Variants in PCSK2 observed in about 807,000 individuals in gnomAD.
The protein encoded by PCSK2 is neuroendocrine convertase 2.
PCSK2 carries 14 observed loss-of-function variants against 69.7 expected under a neutral mutation model. The observed-to-expected ratio is 0.20, with a 90% CI of 0.13 to 0.31. The LOEUF is 0.31. PCSK2 is among the 10% of genes least tolerant of loss of function. The probability of loss-of-function intolerance (pLI) is 1.00; values close to 1 mark genes in which losing one functional copy is unlikely to be tolerated. For missense variants in PCSK2, 544 were observed against 842.5 expected, an observed-to-expected ratio of 0.65 and a Z score of 4.39; for synonymous variants, 307 against 320.7, an observed-to-expected ratio of 0.96 and a Z score of 0.46.
intron 2 of PCSK2, among the ~76,000 whole-genome samples, chr20:17,312,091 A>T (rs1215021626): frequency 6.6e-6 from 1 of 152,226 alleles, no homozygotes; most frequent in Non-Finnish European, 1.5e-5. Context: ...ACGTCATTTC[A>T]TCAAAGGTTC....
At chr20:17,241,396 G>T (rs1986567285) in intron 1 of PCSK2, among the ~76,000 whole-genome samples, 1 of 152,184 alleles carries the variant, frequency 6.6e-6, no homozygotes, top group Non-Finnish European at 1.5e-5. Context: ...TTTGGATTTT[G>T]CAGGTAGGTG....
intron 5 of PCSK2, among the ~76,000 whole-genome samples, chr20:17,408,293 G>GA (rs1420534108): frequency 6.6e-6 from 1 of 151,960 alleles, no homozygotes; most frequent in Non-Finnish European, 1.5e-5. Context: ...AGCAAGCAGA[G>GA]AAGGGAATGG....
In PCSK2 at chr20:17,342,855, T is replaced by C. The variant is rs142743981; in HGVS notation, c.283-15472T>C. On this transcript the variant is annotated intron_variant, in intron 2 of 11. Transcript: ENST00000262545. ...TTTTTTGGTAGAGATAGGGTCTTGCTATATTGCCCAGGCTTGTCTTGAACT... is the reference window on the plus strand; with the variant it reads ...TTTTTTGGTAGAGATAGGGTCTTGCCATATTGCCCAGGCTTGTCTTGAACT... Among the ~76,000 whole-genome samples the C allele has an allele frequency of 6.0e-3, 911 of 152,002 alleles. 6 individuals are homozygous for C. The highest frequency in any genetic ancestry group is 8.1e-3 in the Non-Finnish European group (549 of 67,946).
At position 17,363,532 on chromosome 20, in the gene PCSK2, G is replaced by T. The variant is rs185320100; in HGVS notation, c.505+2892G>T. Among the ~76,000 whole-genome samples the T allele has an allele frequency of 4.5e-3, 691 of 152,272 alleles. 6 individuals are homozygous for T. Among genetic ancestry groups the T allele is most frequent in the African/African-American group, 0.016 (655 of 41,540 alleles). ...TGTTTAGAGTTGGGAACTTGACCTG[G>T]AAAATGGAATGTGATCATGACAAGA... On this transcript the variant is annotated intron_variant, in intron 4 of 11. Coordinates refer to ENST00000262545, the MANE Select transcript of PCSK2 (RefSeq NM_002594.5).
At chr20:17,418,593 G>T (rs1876020795) in intron 6 of PCSK2, among the ~76,000 whole-genome samples, 1 of 152,140 alleles carries the variant, frequency 6.6e-6, no homozygotes, top group Non-Finnish European at 1.5e-5. Context: ...TGGGCCAGGG[G>T]CATAGATGAG....
At chr20:17,353,535 CT>C (rs1568614809) in intron 2 of PCSK2, among the ~76,000 whole-genome samples, 1 of 151,788 alleles carries the variant, frequency 6.6e-6, no homozygotes, top group South Asian at 2.1e-4. Context: ...CACTTATACG[CT>C]GTTGATGAGA....
intron 6 of PCSK2, among the ~76,000 whole-genome samples, chr20:17,415,096 A>G (rs1213568437): frequency 6.6e-6 from 1 of 152,306 alleles, no homozygotes; most frequent in African/African-American, 2.4e-5. Context: ...ATGGGCAAAA[A>G]CTGGAAGCAT....
chr20:17,471,013 G>T (rs543499344), intron 11 of PCSK2, among the ~76,000 whole-genome samples: 1 of 152,200 alleles, frequency 6.6e-6, no homozygotes, highest in African/African-American at 2.4e-5. Flanking sequence ...GTCAAGCTAC[G>T]TGTCAATACC....
chr20:17,236,186 A>C lies in PCSK2; in HGVS notation c.177+8704A>C, dbSNP rs367748463. 2.6e-5 allele frequency among the ~76,000 whole-genome samples: 4 copies of C among 152,208 alleles called. No individual in the cohort carries two copies. In the South Asian group the frequency reaches 8.3e-4, roughly 32 times the overall value. On this transcript the variant is annotated intron_variant, in intron 1 of 11. Transcript: ENST00000262545. The stretch of plus-strand genomic sequence containing the variant: ...AGATCTCATCATATGTGCTATTTTA[A>C]GTTTTAAATCATTCAGTTTAATTAT...
intron 4 of PCSK2, among the ~76,000 whole-genome samples, chr20:17,367,113 T>C (rs1016009373): frequency 4.6e-5 from 7 of 151,644 alleles, no homozygotes; most frequent in African/African-American, 1.7e-4. Flanking sequence ...ATATAAATTA[T>C]ATTTTTGATC....
chr20:17,229,985 G>A (rs1429358199), intron 1 of PCSK2, among the ~76,000 whole-genome samples: 1 of 152,140 alleles, frequency 6.6e-6, no homozygotes, highest in Non-Finnish European at 1.5e-5. Context: ...AAATATTCAG[G>A]GATGATACCT....
chr20:17,292,428 C>T (rs2123068375), intron 2 of PCSK2, among the ~76,000 whole-genome samples: 1 of 152,244 alleles, frequency 6.6e-6, no homozygotes, highest in East Asian at 1.9e-4. Flanking sequence ...TATGCATCTA[C>T]ATGGTTAATC....
chr20:17,384,643 T>G (rs2031185097), intron 5 of PCSK2, among the ~76,000 whole-genome samples: 1 of 151,044 alleles, frequency 6.6e-6, no homozygotes, highest in African/African-American at 2.4e-5. Context: ...AATTAAAATA[T>G]TTTTCATAGG....
chr20:17,269,751 C>T (rs1411440860), intron 2 of PCSK2, among the ~76,000 whole-genome samples: 1 of 152,042 alleles, frequency 6.6e-6, no homozygotes, highest in African/African-American at 2.4e-5. Context: ...GGTGAAGTTA[C>T]CAGGAAACAG....
intron 2 of PCSK2, among the ~76,000 whole-genome samples, chr20:17,283,357 G>A (rs1472035366): frequency 6.6e-6 from 1 of 150,750 alleles, no homozygotes; most frequent in Non-Finnish European, 1.5e-5. Flanking sequence ...AATCTTTAAG[G>A]AGATTTCAAA....
At chr20:17,261,420 G>A (rs1050015240) in intron 2 of PCSK2, among the ~76,000 whole-genome samples, 1 of 152,180 alleles carries the variant, frequency 6.6e-6, no homozygotes, top group Non-Finnish European at 1.5e-5. Flanking sequence ...AGATAAAACA[G>A]TCTCTCAGCA....
intron 6 of PCSK2, among the ~76,000 whole-genome samples, chr20:17,425,711 G>A (rs986825395): frequency 6.6e-6 from 1 of 152,156 alleles, no homozygotes; most frequent in Non-Finnish European, 1.5e-5. Context: ...CTGTGTTCCT[G>A]GTGGAGCAGC....
At chr20:17,452,999 A>T (rs1265355321) in intron 8 of PCSK2, among the ~76,000 whole-genome samples, 1 of 152,172 alleles carries the variant, frequency 6.6e-6, no homozygotes, top group Non-Finnish European at 1.5e-5. Context: ...GGTTTTATTC[A>T]CTGTGTGTTT....
chr20:17,310,552 T>C lies in PCSK2; in HGVS notation c.283-47775T>C, dbSNP rs1274736832. On this transcript the variant is annotated intron_variant, in intron 2 of 11. Coordinates refer to ENST00000262545, the MANE Select transcript of PCSK2 (RefSeq NM_002594.5). ...TGCCAATCCATGCATGTGCAGTTATTCAAGCTATATTTTCTTGAATTGAAA... is the reference window on the plus strand; with the variant it reads ...TGCCAATCCATGCATGTGCAGTTATCCAAGCTATATTTTCTTGAATTGAAA... 7.2e-5 allele frequency among the ~76,000 whole-genome samples: 11 copies of C among 152,158 alleles called. No individual in the cohort carries two copies. The South Asian group carries it at 2.1e-3, about 29-fold the overall frequency.
Sources: gnomAD v4.1 joint callset for allele counts (sites outside exome capture counted in the v4.1 genomes callset) on GRCh38, gnomAD v4.1.1 for gene constraint, MANE v1.5 for transcripts, NCBI Gene and HGNC (gene_info 2026-07-23, HGNC 2026-07-21) for gene names.